Variants in DOCK4 observed in about 807,000 individuals in gnomAD.
The protein encoded by DOCK4 is dedicator of cytokinesis protein 4.
A neutral mutation model predicts 268.1 loss-of-function variants in DOCK4; 97 were observed. The ratio of observed to expected loss-of-function variants is 0.36; its 90% confidence interval spans 0.31 to 0.43. DOCK4 has a LOEUF of 0.43. Ranked by LOEUF, DOCK4 falls within the 20% of genes least tolerant of loss-of-function variation. DOCK4 has a pLI of 1.00. For missense variants in DOCK4, 2,145 were observed against 2,455.7 expected (o/e 0.87, Z 2.67); for synonymous variants, 954 against 887.2 (o/e 1.08, Z -1.34).
Position 111,727,307 on chromosome 7 carries a change from G to T in DOCK4, c.*967C>A, listed in dbSNP as rs1193730219. 1 of 152,448 alleles carries T rather than the reference G, an allele frequency of 6.6e-6. No individual in the cohort carries two copies. Among genetic ancestry groups the T allele is most frequent in the Non-Finnish European group, 1.5e-5 (1 of 67,990 alleles). 9.4% of individuals were successfully genotyped at this position (152,448 alleles called of 1,614,324 possible). A position where few individuals can be genotyped will look rare whatever the true frequency, so the allele number is the denominator to read the frequency against. On this transcript the variant is annotated 3_prime_UTR_variant, in exon 53 of 53. Coordinates refer to ENST00000428084, the MANE Select transcript of DOCK4 (RefSeq NM_001363540.2). Reference sequence around the variant, plus strand: ...TGCAGGACTGAAAGTTAATGCCCTTGCCTTTTATAAGTCCTTTTGCCATTT... The same window carrying T: ...TGCAGGACTGAAAGTTAATGCCCTTTCCTTTTATAAGTCCTTTTGCCATTT...
At chr7:112,167,762 G>T (rs1270236631) in intron 1 of DOCK4, among the ~76,000 whole-genome samples, 1 of 152,006 alleles carries the variant, frequency 6.6e-6, no homozygotes, top group Admixed American at 6.6e-5. Flanking sequence ...TGCCTTGATT[G>T]TTTCTTAAGG....
rs1307291861 is a variant in DOCK4 at position 111,989,104 on chromosome 7, C to G, written c.375G>C (p.Leu125=). The part of the protein sequence containing the change: ...LWHIMNEILD[L]RRQVLVGHLT... ...GGTGGCCCACCAGCACCTGCCGCCT[C>G]AGGTCCAGGATTTCATTCATGATGT... Residue 125 remains leucine (L), a synonymous_variant, in exon 6 of 53, where the codon CTG becomes CTC. Coordinates refer to ENST00000428084, the MANE Select transcript of DOCK4 (RefSeq NM_001363540.2). 1 of 1,613,902 alleles carries G rather than the reference C, an allele frequency of 6.2e-7. No homozygotes were observed. The highest frequency in any genetic ancestry group is 8.5e-7 in the Non-Finnish European group (1 of 1,179,898).
intron 1 of DOCK4, among the ~76,000 whole-genome samples, chr7:112,140,077 G>A (rs940512352): frequency 1.3e-5 from 2 of 152,064 alleles, no homozygotes; most frequent in Non-Finnish European, 2.9e-5. Flanking sequence ...AACCAAGATG[G>A]AACAACACAG....
chr7:111,806,708 A>G (rs971453320), intron 30 of DOCK4, among the ~76,000 whole-genome samples: 8 of 152,200 alleles, frequency 5.3e-5, no homozygotes, highest in Admixed American at 2.6e-4. Flanking sequence ...GCTAAAACAG[A>G]CTGCTGTGCC....
intron 28 of DOCK4, 38 bp from the exon 29 acceptor site, chr7:111,809,439 A>G (rs1800917664): frequency 6.7e-7 from 1 of 1,493,746 alleles, no homozygotes; most frequent in Non-Finnish European, 9.1e-7. Context: ...CTATGGTGTT[A>G]CAAGCATATT....
At chr7:111,913,889 G>A (rs79243240) in intron 13 of DOCK4, among the ~76,000 whole-genome samples, 2,597 of 152,002 alleles carry the variant, frequency 0.017, 77 homozygotes, top group African/African-American at 0.058. Flanking sequence ...CTCTAAAAAA[G>A]AAAACACAAA....
intron 42 of DOCK4, among the ~76,000 whole-genome samples, chr7:111,751,374 A>C (rs1796634652): frequency 6.6e-6 from 1 of 152,248 alleles, no homozygotes; most frequent in Non-Finnish European, 1.5e-5. Flanking sequence ...GAGACTTAGA[A>C]GACATTTCAA....
intron 1 of DOCK4, among the ~76,000 whole-genome samples, chr7:112,099,214 C>T (rs1406876454): frequency 6.6e-6 from 1 of 151,566 alleles, no homozygotes; most frequent in Non-Finnish European, 1.5e-5. Flanking sequence ...ATCGCTGGAG[C>T]CCAGGAGGCA....
At chr7:112,099,184 T>G (rs1224101514) in intron 1 of DOCK4, among the ~76,000 whole-genome samples, 2 of 151,510 alleles carry the variant, frequency 1.3e-5, no homozygotes, top group African/African-American at 4.9e-5. Flanking sequence ...CCCAACTACT[T>G]GGGAGGCTGA....
rs1232368290 is a variant in DOCK4, at chr7:111,726,192, A to G, written c.*2082T>C. On this transcript the variant is annotated 3_prime_UTR_variant, in exon 53 of 53. Transcript: ENST00000428084. ...ACATGTGGGCTAACAGAATCTCTTAAAATGTTCTGCTATGTAGCTGCTTCA... is the reference window on the plus strand; with the variant it reads ...ACATGTGGGCTAACAGAATCTCTTAGAATGTTCTGCTATGTAGCTGCTTCA... 1 of 152,668 alleles carries G rather than the reference A, an allele frequency of 6.6e-6. No homozygotes were observed. The highest frequency in any genetic ancestry group is 2.4e-5 in the African/African-American group (1 of 41,478). 9.5% of individuals were successfully genotyped at this position (152,668 alleles called of 1,614,324 possible).
chr7:112,006,087 T>C (rs899297916), intron 1 of DOCK4, among the ~76,000 whole-genome samples: 1 of 152,206 alleles, frequency 6.6e-6, no homozygotes, highest in Non-Finnish European at 1.5e-5. Flanking sequence ...AGTTTCATTC[T>C]CCAGACACTC....
intron 34 of DOCK4, among the ~76,000 whole-genome samples, chr7:111,783,250 T>C (rs1456278350): frequency 6.6e-6 from 1 of 152,172 alleles, no homozygotes; most frequent in Non-Finnish European, 1.5e-5. Flanking sequence ...TGTGTTATTG[T>C]ACACTTCCTA....
intron 47 of DOCK4, among the ~76,000 whole-genome samples, chr7:111,740,779 T>C (rs890986931): frequency 8.2e-6 from 1 of 121,892 alleles, no homozygotes; most frequent in Non-Finnish European, 1.6e-5. Flanking sequence ...AAGAGGCAGC[T>C]AGTGAGTGGC....
At chr7:112,133,223 C>CA (rs1418566397) in intron 1 of DOCK4, among the ~76,000 whole-genome samples, 1 of 152,080 alleles carries the variant, frequency 6.6e-6, no homozygotes, top group Non-Finnish European at 1.5e-5. Flanking sequence ...CTGAGACCTT[C>CA]AAATGCAGAA....
chr7:111,832,952 C>T (rs1802956944), intron 26 of DOCK4, among the ~76,000 whole-genome samples: 1 of 152,190 alleles, frequency 6.6e-6, no homozygotes, highest in Non-Finnish European at 1.5e-5. Flanking sequence ...AACATGAATA[C>T]CAAAGCATAA....
At chr7:111,839,308 T>C (rs565474490) in intron 25 of DOCK4, among the ~76,000 whole-genome samples, 5 of 152,364 alleles carry the variant, frequency 3.3e-5, no homozygotes, top group South Asian at 2.1e-4. Context: ...ATCTAGTTAG[T>C]AGAAATCCAT....
rs571187450 is a variant in DOCK4 at position 112,174,075 on chromosome 7, C to A, written c.37+32027G>T. ...CAATTCCCTCCTGAGTCTCCACCTGCGTCCTGTTCTGTCCTGGCCTATTCC... is the reference window on the plus strand; with the variant it reads ...CAATTCCCTCCTGAGTCTCCACCTGAGTCCTGTTCTGTCCTGGCCTATTCC... On this transcript the variant is annotated intron_variant, in intron 1 of 52. Transcript: ENST00000428084. 2.1e-3 allele frequency among the ~76,000 whole-genome samples: 319 copies of A among 151,250 alleles called. 1 individual carries two copies. The highest frequency in any genetic ancestry group is 7.4e-3 in the African/African-American group (306 of 41,198).
At chr7:111,917,064 T>G (rs1351235740) in intron 12 of DOCK4, among the ~76,000 whole-genome samples, 3 of 142,028 alleles carry the variant, frequency 2.1e-5, no homozygotes, top group Non-Finnish European at 4.5e-5. Context: ...CTTGGCTCAC[T>G]GCAACCTCCG....
chr7:112,093,878 G>GA (rs5886610), intron 1 of DOCK4, among the ~76,000 whole-genome samples: 3,371 of 129,340 alleles, frequency 0.026, 109 homozygotes, highest in African/African-American at 0.079. Context: ...GACATATAAG[G>GA]AAAAAAAAAA....
Sources: allele counts gnomAD v4.1 joint callset (sites outside exome capture counted in the v4.1 genomes callset), GRCh38; gene constraint gnomAD v4.1.1; transcripts MANE v1.5; gene names NCBI Gene and HGNC (gene_info 2026-07-23, HGNC 2026-07-21).